The following FAM98C variants were observed in gnomAD, a reference collection of about 807,000 sequenced individuals.
The protein encoded by FAM98C is tRNA splicing ligase complex subunit 3C.
Under a neutral mutation model 41.1 loss-of-function variants are expected in FAM98C, and 38 were observed. That is an observed-to-expected ratio of 0.92 (90% confidence interval 0.71 to 1.21). The LOEUF is 1.21. Ranked by LOEUF, FAM98C falls within the 50% of genes most tolerant of loss-of-function variation. The pLI is 0.00. For synonymous variants in FAM98C, 195 were observed against 216.7 expected (o/e 0.90, Z 0.88); for missense variants, 493 against 484.7 (o/e 1.02, Z -0.16).
chr19:38,408,982 C>T lies in FAM98C; in HGVS notation c.*100C>T, dbSNP rs1971102928. 1.5e-6 allele frequency: 2 copies of T among 1,313,336 alleles called. No homozygotes were observed. The highest frequency in any genetic ancestry group is 1.5e-5 in the African/African-American group (1 of 66,238). 81.4% of individuals were successfully genotyped at this position (1,313,336 alleles called of 1,614,324 possible). A position where few individuals can be genotyped will look rare whatever the true frequency, so the allele number is the denominator to read the frequency against. On this transcript the variant is annotated 3_prime_UTR_variant, in exon 8 of 8. Coordinates refer to ENST00000252530, the MANE Select transcript of FAM98C (RefSeq NM_174905.4). ...TTAAGGCTTTCCTTGGTATTTGGCACCCAAGCCCCCCATCTCCTATTCCTG... is the reference window on the plus strand; with the variant it reads ...TTAAGGCTTTCCTTGGTATTTGGCATCCAAGCCCCCCATCTCCTATTCCTG...
Position 38,403,226 on chromosome 19 carries a change from G to A in FAM98C, c.65+8G>A. 1.3e-6 allele frequency: 2 copies of A among 1,560,874 alleles called. No homozygotes were observed. The highest frequency in any genetic ancestry group is 1.4e-5 in the African/African-American group (1 of 70,708). On this transcript the variant is annotated splice_region_variant and intron_variant, in intron 1 of 7. Transcript: ENST00000252530. ...GGACCTGCTGGCTCTGGGGTAAAAG[G>A]GTGTGCGGTGAGGCTGGTGGGTGCA...
Position 38,405,422 on chromosome 19 carries a change from G to T in FAM98C, c.633+1G>T, listed in dbSNP as rs1480887026. On this transcript the variant is annotated splice_donor_variant, in intron 5 of 7. Transcript: ENST00000252530. LOFTEE classifies it high-confidence loss of function. ...CTGCTCGCTAGATGCACCCAGATGG[G>T]TAAGACTGTGTGCGACTGACTGAAT... 2 of 1,614,044 alleles carry T rather than the reference G, an allele frequency of 1.2e-6. No individual in the cohort carries two copies. The highest frequency in any genetic ancestry group is 1.7e-5 in the Admixed American group (1 of 60,002).
intron 7 of FAM98C, chr19:38,408,542 G>A: frequency 1.7e-6 from 1 of 577,564 alleles, no homozygotes; most frequent in South Asian, 2.0e-5. Context: ...CTGGGCAACA[G>A]AGTGAGACTC....
rs766125085 is a variant in FAM98C, at chr19:38,403,572, A to T, written c.227A>T (p.Glu76Val). Residue 76 changes from glutamate (E) to valine (V), a missense_variant, in exon 3 of 8, where the codon GAG becomes GTG. Glu to Val is a moderately radical substitution (Grantham distance 121, BLOSUM62 -2). Coordinates refer to ENST00000252530, the MANE Select transcript of FAM98C (RefSeq NM_174905.4). The part of the protein sequence containing the change: ...VLSAGDGPGA[E>V]EDFLRQLGSL... The stretch of plus-strand genomic sequence containing the variant: ...CCTGTCCTCGCAGGCCCTGGCGCGG[A>T]GGAGGACTTTCTGCGGCAGCTCGGC... 6.7e-7 allele frequency: 1 copy of T among 1,497,666 alleles called. No individual in the cohort carries two copies. Among genetic ancestry groups the T allele is most frequent in the South Asian group, 1.3e-5 (1 of 79,566 alleles). 92.8% of individuals were successfully genotyped at this position (1,497,666 alleles called of 1,614,324 possible).
At chr19:38,407,200 G>A in intron 7 of FAM98C, 123 bp downstream of exon 7, 6 of 1,162,008 alleles carry the variant, frequency 5.2e-6, no homozygotes, top group Non-Finnish European at 6.1e-6. Flanking sequence ...ATGGCAGCTA[G>A]AAGGACCTCG....
In FAM98C at chr19:38,403,121, G is replaced by A. The variant is rs756942819; in HGVS notation, c.-33G>A. 4.1e-5 allele frequency: 62 copies of A among 1,500,950 alleles called. No individual in the cohort carries two copies. The Middle Eastern group carries it at 1.6e-3, about 38-fold the overall frequency. The allele number at this position is 1,500,950 out of a possible 1,614,324, so 93.0% of individuals were successfully genotyped here. ...CGCTTTTGGGGCGGAGCCTGCCACC[G>A]GCCGCCAGGGGGCGCGCCGAGACCA... On this transcript the variant is annotated 5_prime_UTR_variant, in exon 1 of 8. Transcript: ENST00000252530.
Position 38,405,506 on chromosome 19 carries a change from C to T in FAM98C, c.634-13C>T. On this transcript the variant is annotated splice_polypyrimidine_tract_variant and intron_variant, in intron 5 of 7. Transcript: ENST00000252530. ...AGGGACCCCTAGCCTGACCTTGAGA[C>T]CTTTTCTCCCAGGAAGCGTTGGAGT... 6.2e-7 allele frequency: 1 copy of T among 1,614,184 alleles called. No individual in the cohort carries two copies. The highest frequency in any genetic ancestry group is 8.5e-7 in the Non-Finnish European group (1 of 1,180,018).
In FAM98C at chr19:38,408,870, G is replaced by A. The variant is rs908408242; in HGVS notation, c.1038G>A (p.Lys346=). 1.3e-6 allele frequency: 2 copies of A among 1,577,594 alleles called. No homozygotes were observed. The highest frequency in any genetic ancestry group is 2.0e-5 in the Admixed American group (1 of 50,066). Residue 346 remains lysine, a synonymous_variant, in exon 8 of 8, where the codon AAG becomes AAA. Transcript: ENST00000252530. ...CCCAGTGTTGGGGTCGCAAGAAGAA[G>A]AAGAAGAAGTAAAGGGGGACTGGTG... is the stretch of plus-strand genomic sequence containing the variant. The part of the protein sequence containing the change: ...GGPQCWGRKK[K]KKK
At chr19:38,403,314 C>T (rs1228184393) in intron 1 of FAM98C, 24 bp from the exon 2 acceptor site, 1 of 1,489,662 alleles carries the variant, frequency 6.7e-7, no homozygotes, top group Non-Finnish European at 8.8e-7. Context: ...TCCCCGCCCC[C>T]TCCCGCTGCC....
Position 38,406,991 on chromosome 19 carries a change from G to A in FAM98C, c.832G>A (p.Val278Ile), listed in dbSNP as rs761561177. The change falls in exon 7 of 8, where the codon GTT becomes ATT. Residue 278 changes from valine (V) to isoleucine (I), a missense_variant. By Grantham distance (29) the Val-to-Ile change is conservative (BLOSUM62 3). Coordinates refer to ENST00000252530, the MANE Select transcript of FAM98C (RefSeq NM_174905.4). ...AGAATCGGACATCTCCATTGCACAC[G>A]TTCTGGCTGCCCGAGCCGACCTGTC... ...TPESDISIAH[V>I]LAARADLSCL... is the part of the protein sequence containing the mutation. 7.8e-5 allele frequency: 126 copies of A among 1,614,056 alleles called. No individual in the cohort carries two copies. Among genetic ancestry groups the A allele is most frequent in the Non-Finnish European group, 9.1e-5 (107 of 1,180,054 alleles).
chr19:38,403,644 G>A lies in FAM98C; in HGVS notation c.299G>A (p.Gly100Glu). The part of the protein sequence containing the change: ...LHCPDRALCG[G>E]DGAAALREPG... Reference sequence around the variant, plus strand: ...TGCCCGGATCGCGCGCTCTGCGGCGGGGATGGCGCGGCTGCGCTTCGGGAA... The same window carrying A: ...TGCCCGGATCGCGCGCTCTGCGGCGAGGATGGCGCGGCTGCGCTTCGGGAA... The change falls in exon 3 of 8, where the codon GGG (glycine) becomes GAG (glutamate). Residue 100 changes from glycine (G) to glutamate (E), a missense_variant. Coordinates refer to ENST00000252530, the MANE Select transcript of FAM98C (RefSeq NM_174905.4). The A allele has an allele frequency of 7.1e-7, 1 of 1,414,044 alleles. No homozygotes were observed. Among genetic ancestry groups the A allele is most frequent in the South Asian group, 1.5e-5 (1 of 66,598 alleles). 87.6% of individuals were successfully genotyped at this position (1,414,044 alleles called of 1,614,324 possible).
intron 7 of FAM98C, chr19:38,408,088 G>T (rs1415870351): frequency 6.6e-6 from 1 of 151,936 alleles, no homozygotes; most frequent in South Asian, 2.1e-4. Context: ...TGAGTATTAG[G>T]GAATAAAGTC....
chr19:38,408,696 C>A, intron 7 of FAM98C, 55 bp from the exon 8 acceptor site: 1 of 1,612,266 alleles, frequency 6.2e-7, no homozygotes, highest in Non-Finnish European at 8.5e-7. Context: ...CGCTCTCTGG[C>A]CCCCTTGTCC....
intron 7 of FAM98C, chr19:38,407,363 G>T: frequency 1.7e-5 from 6 of 360,100 alleles, no homozygotes; most frequent in East Asian, 4.8e-5. Context: ...CTACCTATTT[G>T]TTGTTTTTTA....
chr19:38,405,961 A>ATT (rs1400323644), intron 6 of FAM98C: 7 of 252,832 alleles, frequency 2.8e-5, no homozygotes, highest in African/African-American at 1.6e-4. Context: ...GGTTCAAGTG[A>ATT]TTCTCCTGCC....
chr19:38,408,937 G>A lies in FAM98C; in HGVS notation c.*55G>A, dbSNP rs1971102038. 6 of 1,520,088 alleles carry A rather than the reference G, an allele frequency of 3.9e-6. No individual in the cohort carries two copies. Among genetic ancestry groups the A allele is most frequent in the Non-Finnish European group, 5.3e-6 (6 of 1,137,898 alleles). 94.2% of individuals were successfully genotyped at this position (1,520,088 alleles called of 1,614,324 possible). A position where few individuals can be genotyped will look rare whatever the true frequency, so the allele number is the denominator to read the frequency against. ...CCTCCATGAGATGCTAATGCTATCG[G>A]TAATCTCTGGGGAGTCCGTTTAAGG... On this transcript the variant is annotated 3_prime_UTR_variant, in exon 8 of 8. Coordinates refer to ENST00000252530, the MANE Select transcript of FAM98C (RefSeq NM_174905.4).
rs75686841 is a variant in FAM98C at position 38,405,419 on chromosome 19, T to C, written c.631T>C (p.Trp211Arg). ...LLSCSLDAPR[W>R]EALESLSQSL... Reference sequence around the variant, plus strand: ...CAGCTGCTCGCTAGATGCACCCAGATGGGTAAGACTGTGTGCGACTGACTG... The same window carrying C: ...CAGCTGCTCGCTAGATGCACCCAGACGGGTAAGACTGTGTGCGACTGACTG... Residue 211 changes from tryptophan to arginine, a missense_variant and splice_region_variant, in exon 5 of 8, where the codon TGG (tryptophan) becomes CGG (arginine). Physicochemically the swap from Trp to Arg is moderately radical, Grantham distance 101. Transcript: ENST00000252530. 610 of 1,614,128 alleles carry C rather than the reference T, an allele frequency of 3.8e-4. 1 individual carries two copies. In the African/African-American group the frequency reaches 7.5e-3, roughly 20 times the overall value.
At position 38,403,358 on chromosome 19, in the gene FAM98C, C is replaced by A; in HGVS notation, c.86C>A (p.Ala29Glu). The change falls in exon 2 of 8, where the codon GCG becomes GAG. Residue 29 changes from alanine to glutamate, a missense_variant. Transcript: ENST00000252530. ...LALGYGGVPG[A>E]ASRGASCPDF... ...CACAGGTATGGAGGTGTCCCGGGGG[C>A]GGCGTCGCGGGGCGCCTCATGCCCA... is the stretch of plus-strand genomic sequence containing the variant. 1 of 1,469,722 alleles carries A rather than the reference C, an allele frequency of 6.8e-7. No individual in the cohort carries two copies. Among genetic ancestry groups the A allele is most frequent in the South Asian group, 1.3e-5 (1 of 74,728 alleles). 91.0% of individuals were successfully genotyped at this position (1,469,722 alleles called of 1,614,324 possible).
chr19:38,407,083 C>T lies in FAM98C; in HGVS notation c.918+6C>T. 1.2e-6 allele frequency: 2 copies of T among 1,612,116 alleles called. No individual in the cohort carries two copies. Among genetic ancestry groups the T allele is most frequent in the Non-Finnish European group, 1.7e-6 (2 of 1,178,630 alleles). On this transcript the variant is annotated splice_donor_region_variant and intron_variant, in intron 7 of 7. Coordinates refer to ENST00000252530, the MANE Select transcript of FAM98C (RefSeq NM_174905.4). ...CCTGCTGTGCCATCAACAAGGTGGG[C>T]ATCTGGGGTAGGGAAGGGCCCTGGC...
Sources: allele counts gnomAD v4.1 joint callset, GRCh38; gene constraint gnomAD v4.1.1; transcripts MANE v1.5; gene names NCBI Gene and HGNC (gene_info 2026-07-23, HGNC 2026-07-21).